SYT9: variants seen among roughly 807,000 people sequenced by gnomAD.
SYT9 encodes synaptotagmin-9.
In SYT9, 22 loss-of-function variants were observed where a neutral mutation model predicts 48.4. The observed-to-expected ratio is 0.45, with a 90% CI of 0.32 to 0.65. The LOEUF (loss-of-function observed/expected upper bound fraction) is 0.65. Among genes scored for constraint, SYT9 ranks in the 30% least tolerant of loss-of-function variants. The probability of loss-of-function intolerance (pLI) is 0.03; values close to 1 mark genes in which losing one functional copy is unlikely to be tolerated. For synonymous variants in SYT9, 265 were observed against 245.0 expected (o/e 1.08, Z -0.76); for missense variants, 577 against 622.0 (o/e 0.93, Z 0.77).
chr11:7,460,301 C>A (rs1301196519), intron 6 of SYT9, among the ~76,000 whole-genome samples: 3 of 151,986 alleles, frequency 2.0e-5, no homozygotes, highest in African/African-American at 7.2e-5. Flanking sequence ...TTTTAAACAC[C>A]AATTTTACGT....
chr11:7,373,974 CAGGTTTGTTACAT>C (rs1850408382), intron 3 of SYT9, among the ~76,000 whole-genome samples: 1 of 151,990 alleles, frequency 6.6e-6, no homozygotes, highest in South Asian at 2.1e-4. Flanking sequence ...GCAGAACATG[CAGGTTTGTTACAT>C]AGGTATACAT....
intron 3 of SYT9, among the ~76,000 whole-genome samples, chr11:7,342,163 AC>A (rs1849725637): frequency 6.6e-6 from 1 of 151,940 alleles, no homozygotes; most frequent in Admixed American, 6.6e-5. Flanking sequence ...ATATCATTCC[AC>A]CCCTGGGCCT....
chr11:7,448,588 G>A (rs1483044299), intron 6 of SYT9, among the ~76,000 whole-genome samples: 2 of 152,362 alleles, frequency 1.3e-5, no homozygotes, highest in East Asian at 1.9e-4. Flanking sequence ...GTCAATCTAC[G>A]CTGAAAATGG....
chr11:7,433,863 T>A (rs1053286765), intron 6 of SYT9, among the ~76,000 whole-genome samples: 2 of 152,204 alleles, frequency 1.3e-5, no homozygotes, highest in African/African-American at 4.8e-5. Flanking sequence ...TATTTTGTTA[T>A]AGTAGCCCAA....
At chr11:7,351,692 C>T (rs1460176295) in intron 3 of SYT9, among the ~76,000 whole-genome samples, 1 of 152,176 alleles carries the variant, frequency 6.6e-6, no homozygotes, top group Non-Finnish European at 1.5e-5. Context: ...CATGTTTTGT[C>T]AACATTTTGC....
At chr11:7,328,808 G>A (rs1849480303) in intron 3 of SYT9, among the ~76,000 whole-genome samples, 1 of 151,808 alleles carries the variant, frequency 6.6e-6, no homozygotes, top group Admixed American at 6.6e-5. Flanking sequence ...GTTTTTACTT[G>A]TTTGGAAATG....
rs189331137 is a variant in SYT9, at chr11:7,256,313, G to A, written c.145+3982G>A. Among the ~76,000 whole-genome samples the A allele has an allele frequency of 1.4e-3, 212 of 152,266 alleles. 1 individual carries two copies. Among genetic ancestry groups the A allele is most frequent in the Middle Eastern group, 0.01 (3 of 294 alleles). Reference sequence around the variant, plus strand: ...GTTCCAGCAGCAGCAGCAGCTGCTGGGAGCTTGTTAGAATTGGAGATCTCA... The same window carrying A: ...GTTCCAGCAGCAGCAGCAGCTGCTGAGAGCTTGTTAGAATTGGAGATCTCA... On this transcript the variant is annotated intron_variant, in intron 1 of 6. Coordinates refer to ENST00000318881, the MANE Select transcript of SYT9 (RefSeq NM_175733.4).
intron 1 of SYT9, among the ~76,000 whole-genome samples, chr11:7,245,471 TCAC>T (rs1449534532): frequency 6.6e-6 from 1 of 152,036 alleles, no homozygotes; most frequent in Non-Finnish European, 1.5e-5. Flanking sequence ...TTCTATTCCG[TCAC>T]CCACCAAAGG....
intron 3 of SYT9, among the ~76,000 whole-genome samples, chr11:7,410,907 C>T (rs1847125020): frequency 1.3e-5 from 2 of 151,928 alleles, no homozygotes; most frequent in African/African-American, 2.4e-5. Flanking sequence ...CAGGCTGGAG[C>T]GCAATGGCGC....
intron 3 of SYT9, among the ~76,000 whole-genome samples, chr11:7,380,863 A>T (rs770453726): frequency 6.6e-6 from 1 of 152,132 alleles, no homozygotes; most frequent in Non-Finnish European, 1.5e-5. Flanking sequence ...TGTATCATTG[A>T]CTTTTTAGGC....
intron 4 of SYT9, among the ~76,000 whole-genome samples, chr11:7,417,168 GTT>G (rs34297696): frequency 3.8e-5 from 4 of 104,452 alleles, no homozygotes; most frequent in East Asian, 5.9e-4. Flanking sequence ...CAGTGTTTTT[GTT>G]TTTTTAAGCA....
rs117158949 is a variant in SYT9, at chr11:7,347,596, C to G, written c.1044+33655C>G. Among the ~76,000 whole-genome samples, 33 of 152,228 alleles carry G rather than the reference C, an allele frequency of 2.2e-4. No homozygotes were observed. The East Asian group carries it at 6.0e-3, about 28-fold the overall frequency. ...GCAGCTTCAGGGATCTTGGGGCTGG[C>G]AGCTGTCAAATAAGCATGCTGTGGG... On this transcript the variant is annotated intron_variant, in intron 3 of 6. Transcript: ENST00000318881.
At chr11:7,339,485 G>T (rs1012311506) in intron 3 of SYT9, among the ~76,000 whole-genome samples, 1 of 152,156 alleles carries the variant, frequency 6.6e-6, no homozygotes, top group Non-Finnish European at 1.5e-5. Flanking sequence ...TGCACTGACT[G>T]CTAACAGCCT....
intron 6 of SYT9, among the ~76,000 whole-genome samples, chr11:7,429,028 C>A (rs1363239243): frequency 2.6e-5 from 4 of 152,174 alleles, no homozygotes; most frequent in Non-Finnish European, 5.9e-5. Flanking sequence ...TTAGTACTCA[C>A]ACTCCAGCAA....
At chr11:7,339,701 G>A (rs550345128) in intron 3 of SYT9, among the ~76,000 whole-genome samples, 9 of 152,108 alleles carry the variant, frequency 5.9e-5, no homozygotes, top group South Asian at 2.1e-4. Flanking sequence ...CTTCTGGTTC[G>A]TAGAGTTTCT....
At chr11:7,303,741 A>G (rs972431718) in intron 2 of SYT9, among the ~76,000 whole-genome samples, 2 of 152,196 alleles carry the variant, frequency 1.3e-5, no homozygotes, top group African/African-American at 4.8e-5. Flanking sequence ...AAAAAGCTGT[A>G]TATGTAAATA....
At chr11:7,251,598 G>C (rs980185592), upstream of SYT9, among the ~76,000 whole-genome samples, 2 of 152,166 alleles carry the variant, frequency 1.3e-5, no homozygotes, top group Non-Finnish European at 2.9e-5. Flanking sequence ...TGTAACCTTC[G>C]CACTAGGCAT....
At chr11:7,427,148 G>A (rs567653059) in intron 6 of SYT9, 16 of 152,112 alleles carry the variant, frequency 1.1e-4, no homozygotes, top group Non-Finnish European at 1.6e-4. Context: ...AGTTCCCTTC[G>A]TTCTAAAGTT....
chr11:7,354,486 G>A (rs992455450), intron 3 of SYT9, among the ~76,000 whole-genome samples: 1 of 152,148 alleles, frequency 6.6e-6, no homozygotes, highest in African/African-American at 2.4e-5. Flanking sequence ...GCCTGAGGTA[G>A]GGAACATACA....
Sources: allele counts gnomAD v4.1 joint callset (sites outside exome capture counted in the v4.1 genomes callset), GRCh38; gene constraint gnomAD v4.1.1; transcripts MANE v1.5; gene names NCBI Gene and HGNC (gene_info 2026-07-23, HGNC 2026-07-21).